PHF6: variants seen among roughly 807,000 people sequenced by gnomAD.
PHF6 encodes PHD finger protein 6, also known as PHD-like zinc finger protein.
PHF6 carries 7 observed loss-of-function variants against 34.0 expected under a neutral mutation model. The observed-to-expected ratio is 0.21, with a 90% CI of 0.12 to 0.39. PHF6 has a LOEUF of 0.39. PHF6 is among the 10% of genes least tolerant of loss of function. The pLI is 1.00. For missense variants in PHF6, 128 were observed against 262.8 expected, an observed-to-expected ratio of 0.49 and a Z score of 3.55; for synonymous variants, 89 against 88.4, an observed-to-expected ratio of 1.01 and a Z score of -0.04.
At chrX:134,421,642 GA>G (rs887497251) in intron 9 of PHF6, among the ~76,000 whole-genome samples, 65 of 109,882 alleles carry the variant, frequency 5.9e-4, no homozygotes, top group Non-Finnish European at 9.5e-4. Context: ...ATATAGATGA[GA>G]AAAAATACTT....
At chrX:134,425,439 A>C in intron 10 of PHF6, 109 bp downstream of exon 10, 1 of 937,428 alleles carries the variant, frequency 1.1e-6, no homozygotes, top group Admixed American at 2.4e-5. Flanking sequence ...TATTATGTTT[A>C]GTTAAGAGCA....
chrX:134,385,247 G>A (rs1384027638), intron 3 of PHF6, among the ~76,000 whole-genome samples: 2 of 110,895 alleles, frequency 1.8e-5, no homozygotes, highest in Non-Finnish European at 3.8e-5. Context: ...CTCTGCTTGC[G>A]GCTCTTTTTT....
At chrX:134,378,628 C>T (rs17000600) in intron 3 of PHF6, among the ~76,000 whole-genome samples, 2,835 of 112,278 alleles carry the variant, frequency 0.025, 97 homozygotes, top group African/African-American at 0.086. Flanking sequence ...TCTGAAGCTG[C>T]GTTAGAGTAA....
intron 5 of PHF6, among the ~76,000 whole-genome samples, chrX:134,403,155 A>G (rs1051102542): frequency 8.9e-6 from 1 of 112,589 alleles, no homozygotes; most frequent in African/African-American, 3.2e-5. Flanking sequence ...TGAGGAAGGC[A>G]TGTCGAAAGC....
intron 3 of PHF6, among the ~76,000 whole-genome samples, chrX:134,392,415 A>C (rs2077358979): frequency 8.9e-6 from 1 of 112,294 alleles, no homozygotes; most frequent in African/African-American, 3.2e-5. Context: ...ATGTTAATCA[A>C]AACCACTGAA....
At chrX:134,375,299 C>G (rs983930282) in intron 1 of PHF6, among the ~76,000 whole-genome samples, 1 of 111,654 alleles carries the variant, frequency 9.0e-6, no homozygotes, top group South Asian at 3.7e-4. Flanking sequence ...AGAAAAAATA[C>G]ACTAGAATAT....
chrX:134,384,807 G>A (rs764902580), intron 3 of PHF6, among the ~76,000 whole-genome samples: 13 of 103,069 alleles, frequency 1.3e-4, no homozygotes, highest in Non-Finnish European at 1.9e-4. Context: ...GCCCACCACC[G>A]CTCCTGGCTA....
At chrX:134,405,816 A>ATATATAT (rs78613336) in intron 5 of PHF6, among the ~76,000 whole-genome samples, 30 of 106,289 alleles carry the variant, frequency 2.8e-4, no homozygotes, top group Admixed American at 2.4e-3. Flanking sequence ...ATATATATAT[A>ATATATAT]ATATCAAGTA....
chrX:134,374,284 G>C (rs2077269252), intron 1 of PHF6, among the ~76,000 whole-genome samples: 1 of 111,679 alleles, frequency 9.0e-6, no homozygotes, highest in Non-Finnish European at 1.9e-5. Context: ...TATTTTCATC[G>C]CCTTACTACC....
intron 9 of PHF6, among the ~76,000 whole-genome samples, chrX:134,424,537 C>G (rs1159294861): frequency 8.9e-6 from 1 of 112,130 alleles, no homozygotes; most frequent in Non-Finnish European, 1.9e-5. Flanking sequence ...CCAAATAAAA[C>G]AGTACCACAA....
intron 3 of PHF6, 116 bp downstream of exon 3, chrX:134,378,222 T>G (rs1358844822): frequency 6.8e-6 from 3 of 439,696 alleles, no homozygotes; most frequent in Non-Finnish European, 1.1e-5. Flanking sequence ...AATTGCAGGC[T>G]TTTCTTTTTT....
intron 3 of PHF6, among the ~76,000 whole-genome samples, chrX:134,390,681 T>C (rs1485661419): frequency 1.8e-5 from 2 of 111,993 alleles, no homozygotes; most frequent in Admixed American, 1.9e-4. Context: ...TTTTGCCCAT[T>C]GTAGAAAAAT....
chrX:134,405,657 C>G (rs1368675374), intron 5 of PHF6, among the ~76,000 whole-genome samples: 1 of 110,833 alleles, frequency 9.0e-6, no homozygotes, highest in Admixed American at 9.7e-5. Context: ...CTTTACCCCC[C>G]ACTCACTTTC....
chrX:134,396,503 C>G (rs1465657413), intron 5 of PHF6, among the ~76,000 whole-genome samples: 1 of 111,135 alleles, frequency 9.0e-6, no homozygotes, highest in Non-Finnish European at 1.9e-5. Context: ...GACAACTTTT[C>G]TTTTACTGTA....
At chrX:134,425,526 A>G in intron 10 of PHF6, 135 bp from the exon 11 acceptor site, 1 of 441,011 alleles carries the variant, frequency 2.3e-6, no homozygotes, top group Non-Finnish European at 3.9e-6. Context: ...AACCATAAAA[A>G]CAAGCTATCT....
chrX:134,391,253 C>T lies in PHF6; in HGVS notation c.241-2248C>T, dbSNP rs551588444. On this transcript the variant is annotated intron_variant, in intron 3 of 10. Transcript: ENST00000370803. ...CCTCCCAAAGTGCTGGGATTACAGG[C>T]GTGAGCTGCTGTACCCGGACCTAAA... is the stretch of plus-strand genomic sequence containing the variant. 9.2e-4 allele frequency among the ~76,000 whole-genome samples: 102 copies of T among 111,267 alleles called. 1 individual carries two copies. In the South Asian group the frequency reaches 0.014, roughly 16 times the overall value.
Position 134,393,632 on chromosome X carries a change from C to A in PHF6, c.372C>A (p.Tyr124Ter). 1 of 1,196,270 alleles carries A rather than the reference C, an allele frequency of 8.4e-7. No homozygotes were observed. The highest frequency in any genetic ancestry group is 1.1e-6 in the Non-Finnish European group (1 of 884,265). The change falls in exon 4 of 11, where the codon TAC becomes TAA. Residue 124 changes from tyrosine to a stop codon, truncating the protein, a stop_gained and splice_region_variant. Transcript: ENST00000370803. LOFTEE classifies it high-confidence loss of function. Reference sequence around the variant, plus strand: ...GAGAGAAACCTTCACAAGGAATTTACATGTAATTATTTAACTTCTCTTTAA... The same window carrying A: ...GAGAGAAACCTTCACAAGGAATTTAAATGTAATTATTTAACTTCTCTTTAA... ...QIREKPSQGIYMVYCRKHKKT... is the reference protein window; with the variant it reads ...QIREKPSQGI
At chrX:134,403,882 C>T (rs2077412389) in intron 5 of PHF6, among the ~76,000 whole-genome samples, 1 of 112,141 alleles carries the variant, frequency 8.9e-6, no homozygotes, top group African/African-American at 3.2e-5. Flanking sequence ...TAAGCCCACT[C>T]TTGACACCTA....
rs1264141469 is a variant in PHF6, at chrX:134,427,214, A to G, written c.*1554A>G. 2 of 162,862 alleles carry G rather than the reference A, an allele frequency of 1.2e-5. No individual in the cohort carries two copies. The highest frequency in any genetic ancestry group is 1.7e-4 in the Admixed American group (2 of 12,106). 13.4% of individuals were successfully genotyped at this position (162,862 alleles called of 1,213,427 possible). A position where few individuals can be genotyped will look rare whatever the true frequency, so the allele number is the denominator to read the frequency against. ...TAGCTTTAGTAGTGGGTTGCCCTGT[A>G]TGTTTTCTCTTTTTGCTCTTAATAT... is the stretch of plus-strand genomic sequence containing the variant. On this transcript the variant is annotated 3_prime_UTR_variant, in exon 11 of 11. Coordinates refer to ENST00000370803, the MANE Select transcript of PHF6 (RefSeq NM_001015877.2).
Sources: gnomAD v4.1 joint callset for allele counts (sites outside exome capture counted in the v4.1 genomes callset) on GRCh38, gnomAD v4.1.1 for gene constraint, MANE v1.5 for transcripts, NCBI Gene and HGNC (gene_info 2026-07-23, HGNC 2026-07-21) for gene names.